The following MYL7 variants were observed in gnomAD, a reference collection of about 807,000 sequenced individuals.
The protein encoded by MYL7 is myosin light chain 7, also known as myosin regulatory light chain 2, atrial isoform.
Under a neutral mutation model 22.5 loss-of-function variants are expected in MYL7, and 27 were observed. That is an observed-to-expected ratio of 1.20 (90% CI 0.89 to 1.66). The LOEUF (loss-of-function observed/expected upper bound fraction) is 1.66, where lower values mean the gene tolerates loss of function less well. Among genes scored for constraint, MYL7 ranks in the 40% most tolerant of loss-of-function variants. MYL7 has a pLI of 0.00. For missense variants in MYL7, 209 were observed against 226.8 expected (o/e 0.92, Z 0.50); for synonymous variants, 81 against 84.4 (o/e 0.96, Z 0.22).
chr7:44,139,620 A>C, intron 5 of MYL7, 51 bp from the exon 6 acceptor site: 2 of 1,583,694 alleles, frequency 1.3e-6, no homozygotes, highest in Non-Finnish European at 1.7e-6. Flanking sequence ...GTGACTGCAC[A>C]GGGAAGGTGG....
rs200176140 is a variant in MYL7, at chr7:44,140,762, C to G, written c.143G>C (p.Arg48Pro). The part of the protein sequence containing the change: ...KEAFSCIDQN[R>P]DGIICKADLR... ...GTCTGCCTTGCAGATGATGCCATCA[C>G]GATTCTGGTCGATACAGCTGAAGGC... The change falls in exon 3 of 7, where the codon CGT becomes CCT. Residue 48 changes from arginine to proline, a missense_variant. Transcript: ENST00000223364. 4.3e-6 allele frequency: 7 copies of G among 1,613,086 alleles called. No homozygotes were observed. The highest frequency in any genetic ancestry group is 4.2e-6 in the Non-Finnish European group (5 of 1,179,664).
rs895622855 is a variant in MYL7 at position 44,138,982 on chromosome 7, C to T, written c.467G>A (p.Gly156Glu). ...GCACAGTGACTTGTAGTCGATGTTCCCCGCCAGGTCCATGGGTGTCAGGGC... is the reference window on the plus strand; with the variant it reads ...GCACAGTGACTTGTAGTCGATGTTCTCCGCCAGGTCCATGGGTGTCAGGGC... The part of the protein sequence containing the change: ...MFALTPMDLA[G>E]NIDYKSLCYI... The change falls in exon 7 of 7, where the codon GGG (glycine) becomes GAG (glutamate). Residue 156 changes from glycine (G) to glutamate (E), a missense_variant. Transcript: ENST00000223364. 4.3e-6 allele frequency: 7 copies of T among 1,614,004 alleles called. No homozygotes were observed. The African/African-American group carries it at 8.0e-5, about 18-fold the overall frequency.
At chr7:44,139,951 C>T in intron 4 of MYL7, 91 bp from the exon 5 acceptor site, 1 of 1,162,382 alleles carries the variant, frequency 8.6e-7, no homozygotes, top group Non-Finnish European at 1.2e-6. Flanking sequence ...GAGCCTCCCA[C>T]ATCCCAGAAG....
At chr7:44,140,289 T>G in intron 4 of MYL7, 34 bp downstream of exon 4, 1 of 1,590,070 alleles carries the variant, frequency 6.3e-7, no homozygotes, top group Non-Finnish European at 8.6e-7. Context: ...GCTCCCTGCC[T>G]GGCCAAGGGT....
chr7:44,139,941 G>A, intron 4 of MYL7, 81 bp from the exon 5 acceptor site: 1 of 1,272,188 alleles, frequency 7.9e-7, no homozygotes, highest in East Asian at 2.5e-5. Flanking sequence ...GCTGCATGAG[G>A]AGCCTCCCAC....
intron 5 of MYL7, 105 bp from the exon 6 acceptor site, chr7:44,139,674 A>C: frequency 6.4e-7 from 1 of 1,568,980 alleles, no homozygotes. Flanking sequence ...GCTGCACCCC[A>C]AAGAGCAGTG....
intron 4 of MYL7, 62 bp from the exon 5 acceptor site, chr7:44,139,922 A>G: frequency 2.7e-6 from 4 of 1,468,262 alleles, no homozygotes; most frequent in Non-Finnish European, 3.7e-6. Flanking sequence ...CCCCCGCAGG[A>G]GGAACTGGGC....
intron 4 of MYL7, among the ~76,000 whole-genome samples, 175 bp from the exon 5 acceptor site, chr7:44,140,035 G>A (rs185972286): frequency 9.9e-5 from 15 of 152,284 alleles, no homozygotes; most frequent in African/African-American, 2.4e-4. Flanking sequence ...CTCCTGAGGC[G>A]GGCAGCTTGG....
intron 5 of MYL7, 31 bp downstream of exon 5, chr7:44,139,751 G>A: frequency 1.2e-6 from 2 of 1,610,810 alleles, no homozygotes; most frequent in East Asian, 2.2e-5. Flanking sequence ...TTCCACCACG[G>A]TGCTCCTCAT....
chr7:44,139,421 C>T, intron 6 of MYL7, 100 bp downstream of exon 6: 1 of 1,354,552 alleles, frequency 7.4e-7, no homozygotes, highest in Non-Finnish European at 1.1e-6. Flanking sequence ...CCTCGGCTCA[C>T]CCTTCCAGCA....
intron 2 of MYL7, 58 bp from the exon 3 acceptor site, chr7:44,140,845 T>G (rs577935266): frequency 3.9e-6 from 5 of 1,277,728 alleles, no homozygotes; most frequent in Admixed American, 2.4e-5. Flanking sequence ...AGGTGGGAGG[T>G]GGGGGAGAGA....
chr7:44,139,449 G>T (rs1562706321), intron 6 of MYL7, 72 bp downstream of exon 6: 1 of 1,538,992 alleles, frequency 6.5e-7, no homozygotes, highest in East Asian at 2.2e-5. Flanking sequence ...CACTGGTACT[G>T]GGCTCTGGGT....
intron 3 of MYL7, 56 bp from the exon 4 acceptor site, chr7:44,140,483 C>A: frequency 1.0e-6 from 1 of 1,003,250 alleles, no homozygotes. Context: ...CCCCAGAAGG[C>A]CCAGGCCGCC....
intron 5 of MYL7, 41 bp from the exon 6 acceptor site, chr7:44,139,610 G>A: frequency 3.2e-6 from 5 of 1,587,008 alleles, no homozygotes; most frequent in Non-Finnish European, 4.3e-6. Flanking sequence ...CTGCGGGGGA[G>A]TGACTGCACA....
intron 2 of MYL7, 46 bp downstream of exon 2, chr7:44,140,914 TG>T (rs780503171): frequency 8.8e-5 from 21 of 238,906 alleles, no homozygotes; most frequent in South Asian, 2.3e-4. Flanking sequence ...TGGGGTGGGG[TG>T]GGGGGGCCAG....
rs138710066 is a variant in MYL7, at chr7:44,138,984, C to G, written c.465G>C (p.Ala155=). The G allele has an allele frequency of 6.2e-7, 1 of 1,614,152 alleles. No homozygotes were observed. The highest frequency in any genetic ancestry group is 2.2e-5 in the East Asian group (1 of 44,880). The change falls in exon 7 of 7, where the codon GCG becomes GCC. Residue 155 remains alanine (A), a synonymous_variant. Coordinates refer to ENST00000223364, the MANE Select transcript of MYL7 (RefSeq NM_021223.3). The part of the protein sequence containing the change: ...QMFALTPMDL[A]GNIDYKSLCY... ...ACAGTGACTTGTAGTCGATGTTCCCCGCCAGGTCCATGGGTGTCAGGGCGA... is the reference window on the plus strand; with the variant it reads ...ACAGTGACTTGTAGTCGATGTTCCCGGCCAGGTCCATGGGTGTCAGGGCGA...
In MYL7 at chr7:44,140,426, C is replaced by A; in HGVS notation, c.195G>T (p.Gly65=). Reference sequence around the variant, plus strand: ...GCTCCTCCTCTGGGACACTCACCTTCCCTGGTGGGGGTGGGGCATGAGGTG... The same window carrying A: ...GCTCCTCCTCTGGGACACTCACCTTACCTGGTGGGGGTGGGGCATGAGGTG... ...ADLRETYSQL[G]KVSVPEEELD... Residue 65 remains glycine (G), a splice_region_variant and synonymous_variant, in exon 4 of 7, where the codon GGG becomes GGT. Transcript: ENST00000223364. 6.2e-7 allele frequency: 1 copy of A among 1,612,844 alleles called. No individual in the cohort carries two copies. The highest frequency in any genetic ancestry group is 1.1e-5 in the South Asian group (1 of 91,034).
At position 44,141,077 on chromosome 7, in the gene MYL7, G is replaced by T. The variant is rs117394324; in HGVS notation, c.4-3C>A. 3 of 1,613,706 alleles carry T rather than the reference G, an allele frequency of 1.9e-6. No homozygotes were observed. The highest frequency in any genetic ancestry group is 2.5e-6 in the Non-Finnish European group (3 of 1,179,726). On this transcript the variant is annotated splice_region_variant and splice_polypyrimidine_tract_variant and intron_variant, in intron 1 of 6. Transcript: ENST00000223364. ...CGGGTCCCCGCCTTCCTGCTGGCCT[G>T]CAACACTGTGAGTAGGGAGGGGTCC...
Position 44,139,582 on chromosome 7 carries a change from G to A in MYL7, c.378-13C>T. 6.2e-7 allele frequency: 1 copy of A among 1,603,174 alleles called. No individual in the cohort carries two copies. The highest frequency in any genetic ancestry group is 2.2e-5 in the East Asian group (1 of 44,788). On this transcript the variant is annotated splice_polypyrimidine_tract_variant and intron_variant, in intron 5 of 6. Transcript: ENST00000223364. ...AAGCTGCTTGAACCTGGGGGGTGAG[G>A]AGGGTCTGAGCAGGAGACTGCGGGG... is the stretch of plus-strand genomic sequence containing the variant.
Sources: allele counts gnomAD v4.1 joint callset (sites outside exome capture counted in the v4.1 genomes callset), GRCh38; gene constraint gnomAD v4.1.1; transcripts MANE v1.5; gene names NCBI Gene and HGNC (gene_info 2026-07-23, HGNC 2026-07-21).